The following ADAM28 variants were observed in gnomAD, a reference collection of about 807,000 sequenced individuals.
ADAM28 encodes disintegrin and metalloproteinase domain-containing protein 28.
A neutral mutation model predicts 101.2 loss-of-function variants in ADAM28; 105 were observed. The ratio of observed to expected loss-of-function variants is 1.04; its 90% CI spans 0.89 to 1.22. The LOEUF is 1.22. Ranked by LOEUF, ADAM28 falls within the 50% of genes most tolerant of loss-of-function variation. The pLI, the probability that ADAM28 is intolerant of heterozygous loss-of-function variation, is 0.00. For synonymous variants in ADAM28, 322 were observed against 310.6 expected (o/e 1.04, Z -0.39); for missense variants, 1,028 against 945.4 (o/e 1.09, Z -1.15).
At chr8:24,310,640 C>G (rs1185619459) in intron 4 of ADAM28, among the ~76,000 whole-genome samples, 2 of 152,172 alleles carry the variant, frequency 1.3e-5, no homozygotes, top group East Asian at 3.9e-4. Flanking sequence ...TTTCTCTTTA[C>G]TGCTATTCAT....
chr8:24,344,820 A>G (rs534348617), intron 18 of ADAM28, among the ~76,000 whole-genome samples: 9 of 152,190 alleles, frequency 5.9e-5, no homozygotes, highest in African/African-American at 1.9e-4. Flanking sequence ...AGTCACCTCT[A>G]TGACTAATTT....
rs956544034 is a variant in ADAM28 at position 24,294,267 on chromosome 8, A to G, written c.46+72A>G. On this transcript the variant is annotated intron_variant, in intron 1 of 22. Transcript: ENST00000265769. ...CTTTTCATAGTCTCCTAATAGTTTT[A>G]TTGTATAAACTATTTTGACTTTTTT... The G allele has an allele frequency of 2.0e-5, 30 of 1,498,778 alleles. No individual in the cohort carries two copies. The South Asian group carries it at 3.1e-4, about 15-fold the overall frequency. The allele number at this position is 1,498,778 out of a possible 1,614,324, so 92.8% of individuals were successfully genotyped here.
At chr8:24,302,389 C>T (rs1050783665) in intron 2 of ADAM28, among the ~76,000 whole-genome samples, 10 of 152,206 alleles carry the variant, frequency 6.6e-5, no homozygotes, top group South Asian at 4.2e-4. Flanking sequence ...TGAATAGTGC[C>T]GCAATGAACA....
intron 18 of ADAM28, 71 bp downstream of exon 18, chr8:24,343,655 A>T: frequency 1.5e-6 from 2 of 1,323,816 alleles, no homozygotes; most frequent in Non-Finnish European, 2.2e-6. Context: ...GTATTATATG[A>T]GATTTCACTG....
In ADAM28 at chr8:24,311,228, T is replaced by A. The variant is rs146289229; in HGVS notation, c.307-133T>A. ...AAAGATTTTAATTATTTTTTAAACATCTTAGTTTACTGTTGTACAGCAGAA... is the reference window on the plus strand; with the variant it reads ...AAAGATTTTAATTATTTTTTAAACAACTTAGTTTACTGTTGTACAGCAGAA... On this transcript the variant is annotated intron_variant, in intron 4 of 22. Transcript: ENST00000265769. 2.4e-3 allele frequency: 1,391 copies of A among 588,564 alleles called. 18 individuals are homozygous for A. In the African/African-American group the frequency reaches 0.024, roughly 10 times the overall value. 36.5% of individuals were successfully genotyped at this position (588,564 alleles called of 1,614,324 possible). A position where few individuals can be genotyped will look rare whatever the true frequency, so the allele number is the denominator to read the frequency against.
Position 24,320,297 on chromosome 8 carries a change from A to T in ADAM28, c.638A>T (p.Asp213Val). Residue 213 changes from aspartate (D) to valine (V), a missense_variant, in exon 7 of 23, where the codon GAT becomes GTT. Asp to Val is a radical substitution (Grantham distance 152, BLOSUM62 -3). Coordinates refer to ENST00000265769, the MANE Select transcript of ADAM28 (RefSeq NM_014265.6). ...EKYIEYYLVLDNGEFKRYNEN... is the reference protein window; with the variant it reads ...EKYIEYYLVLVNGEFKRYNEN... ...TACATAGAATATTATTTGGTCCTGG[A>T]TAATGGTGAGGTAATTATATGAGAT... The T allele has an allele frequency of 6.2e-7, 1 of 1,600,184 alleles. No individual in the cohort carries two copies. Among genetic ancestry groups the T allele is most frequent in the South Asian group, 1.1e-5 (1 of 89,876 alleles).
intron 21 of ADAM28, among the ~76,000 whole-genome samples, chr8:24,353,445 AATTTCACATTTT>A (rs371348197): frequency 8.5e-5 from 13 of 152,132 alleles, no homozygotes; most frequent in African/African-American, 2.9e-4. Flanking sequence ...TCTTTCAAGA[AATTTCACATTTT>A]TAGTGAGAAA....
At chr8:24,325,368 T>C (rs989532955) in intron 9 of ADAM28, among the ~76,000 whole-genome samples, 9 of 152,082 alleles carry the variant, frequency 5.9e-5, no homozygotes, top group African/African-American at 2.2e-4. Context: ...TGTCTTACCA[T>C]TTACCAAACA....
At chr8:24,347,244 C>G (rs1815508912) in intron 18 of ADAM28, among the ~76,000 whole-genome samples, 1 of 152,036 alleles carries the variant, frequency 6.6e-6, no homozygotes, top group Non-Finnish European at 1.5e-5. Flanking sequence ...ATTTATCTAA[C>G]TTTGCAACCT....
chr8:24,326,665 T>C, intron 10 of ADAM28, 30 bp downstream of exon 10: 2 of 1,580,880 alleles, frequency 1.3e-6, no homozygotes, highest in Non-Finnish European at 1.7e-6. Flanking sequence ...GTTGGTTCTA[T>C]GATTTACATT....
chr8:24,324,092 G>T, intron 9 of ADAM28, 89 bp downstream of exon 9: 1 of 1,273,654 alleles, frequency 7.9e-7, no homozygotes. Context: ...GCACATAGAG[G>T]GGTAGACATT....
intron 6 of ADAM28, among the ~76,000 whole-genome samples, chr8:24,313,984 C>T (rs987412371): frequency 6.6e-6 from 1 of 151,946 alleles, no homozygotes; most frequent in Non-Finnish European, 1.5e-5. Flanking sequence ...CTCCAACTCC[C>T]GACCTCGGGT....
intron 16 of ADAM28, among the ~76,000 whole-genome samples, chr8:24,342,620 T>C (rs888787625): frequency 7.9e-5 from 12 of 152,156 alleles, no homozygotes; most frequent in African/African-American, 2.9e-4. Flanking sequence ...TTATATAAAA[T>C]ATAATATTTA....
intron 10 of ADAM28, among the ~76,000 whole-genome samples, chr8:24,328,760 T>C (rs1002114436): frequency 5.9e-5 from 9 of 151,990 alleles, no homozygotes; most frequent in Admixed American, 1.3e-4. Context: ...AAACCCTACC[T>C]CTACTGAAAA....
At chr8:24,321,428 A>G in intron 8 of ADAM28, 139 bp downstream of exon 8, 1 of 745,620 alleles carries the variant, frequency 1.3e-6, no homozygotes, top group South Asian at 1.4e-5. Context: ...CCAAAGGATG[A>G]CCACAACTTT....
intron 1 of ADAM28, 67 bp from the exon 2 acceptor site, chr8:24,299,907 A>C: frequency 8.6e-7 from 1 of 1,163,272 alleles, no homozygotes; most frequent in Non-Finnish European, 1.2e-6. Context: ...TGCAGTAAGG[A>C]TGGCCTTTAC....
chr8:24,321,415 C>T (rs1563290755), intron 8 of ADAM28, 126 bp downstream of exon 8: 1 of 800,388 alleles, frequency 1.2e-6, no homozygotes, highest in East Asian at 2.5e-5. Flanking sequence ...GGCTGACTGG[C>T]TCCCAAAGGA....
chr8:24,326,549 T>G lies in ADAM28; in HGVS notation c.891-5T>G. The G allele has an allele frequency of 1.2e-6, 2 of 1,611,000 alleles. No individual in the cohort carries two copies. Among genetic ancestry groups the G allele is most frequent in the Non-Finnish European group, 8.5e-7 (1 of 1,178,012 alleles). On this transcript the variant is annotated splice_polypyrimidine_tract_variant and splice_region_variant and intron_variant, in intron 9 of 22. Transcript: ENST00000265769. Reference sequence around the variant, plus strand: ...TTGTTACATCAATTTATTCCTTTCTTGCAGAGCAACAGAACTTGCTGGAAC... The same window carrying G: ...TTGTTACATCAATTTATTCCTTTCTGGCAGAGCAACAGAACTTGCTGGAAC...
At chr8:24,306,701 AT>A (rs931756495) in intron 2 of ADAM28, among the ~76,000 whole-genome samples, 12 of 152,254 alleles carry the variant, frequency 7.9e-5, no homozygotes, top group East Asian at 1.9e-4. Context: ...AAACAAAAAA[AT>A]ATTCTCTGTT....
Sources: allele counts gnomAD v4.1 joint callset (sites outside exome capture counted in the v4.1 genomes callset), GRCh38; gene constraint gnomAD v4.1.1; transcripts MANE v1.5; gene names NCBI Gene and HGNC (gene_info 2026-07-23, HGNC 2026-07-21).